PLK5: variants seen among roughly 807,000 people sequenced by gnomAD.
PLK5 encodes the protein polo like kinase 5 (inactive).
In PLK5, 28 loss-of-function variants were observed where a neutral mutation model predicts 33.7. That is an observed-to-expected ratio of 0.83 (90% CI 0.62 to 1.14). PLK5 has a LOEUF of 1.14. Ranked by LOEUF, PLK5 falls within the 50% of genes most tolerant of loss-of-function variation. PLK5 has a pLI of 0.00. For synonymous variants in PLK5, 225 were observed against 202.2 expected (o/e 1.11, Z -0.96); for missense variants, 492 against 461.5 (o/e 1.07, Z -0.61).
At chr19:1,534,155 GAAAAAAAAA>G (rs34242824) in intron 13 of PLK5, 114 bp downstream of exon 13, 1 of 527,448 alleles carries the variant, frequency 1.9e-6, no homozygotes, top group Non-Finnish European at 3.3e-6. Flanking sequence ...TGCCTCCCAG[GAAAAAAAAA>G]AAAAAAAAAG....
intron 9 of PLK5, 67 bp downstream of exon 9, chr19:1,529,041 C>T: frequency 7.4e-7 from 1 of 1,359,284 alleles, no homozygotes; most frequent in East Asian, 2.6e-5. Flanking sequence ...TGCTAAAACC[C>T]CCTCCCCCAT....
At chr19:1,535,038 C>T (rs1256851296) in intron 13 of PLK5, 27 bp from the exon 14 acceptor site, 12 of 1,499,848 alleles carry the variant, frequency 8.0e-6, no homozygotes, top group South Asian at 2.5e-5. Context: ...ACCCGTCTCC[C>T]CTTGACTGGT....
intron 10 of PLK5, 94 bp from the exon 11 acceptor site, chr19:1,529,653 G>A: frequency 2.1e-6 from 3 of 1,430,658 alleles, no homozygotes; most frequent in Middle Eastern, 1.7e-4. Flanking sequence ...AGGATGAGAT[G>A]TTCCTGGATG....
intron 9 of PLK5, among the ~76,000 whole-genome samples, 164 bp from the exon 10 acceptor site, chr19:1,529,242 T>C (rs1035448096): frequency 5.3e-5 from 8 of 152,176 alleles, no homozygotes; most frequent in African/African-American, 1.2e-4. Flanking sequence ...GAGCACCTAC[T>C]GTATGCCTCC....
chr19:1,535,025 G>A (rs1238781404), intron 13 of PLK5, 40 bp from the exon 14 acceptor site: 1 of 1,463,700 alleles, frequency 6.8e-7, no homozygotes, highest in Non-Finnish European at 9.0e-7. Flanking sequence ...CAGGTGCAGG[G>A]GTACCCGTCT....
Position 1,528,324 on chromosome 19 carries a change from C to G in PLK5, c.224C>G (p.Pro75Arg), listed in dbSNP as rs1255988405. Residue 75 changes from proline to arginine, a missense_variant, in exon 8 of 14, where the codon CCG becomes CGG. Transcript: ENST00000454744. ...FTQGFTPDRL[P>R]AHSCHSPPIF... ...AAGGGTTTCACTCCAGACCGGCTGC[C>G]GGCCCACTCCTGCCACAGTCCCCCC... The G allele has an allele frequency of 2.0e-6, 3 of 1,535,682 alleles. No individual in the cohort carries two copies. The highest frequency in any genetic ancestry group is 3.9e-5 in the Admixed American group (2 of 50,964).
At chr19:1,525,554 G>C (rs1373279917) in intron 2 of PLK5, 41 bp from the exon 3 acceptor site, 1 of 152,670 alleles carries the variant, frequency 6.6e-6, no homozygotes, top group Non-Finnish European at 1.5e-5. Context: ...TGCAGCCTGT[G>C]CCCCGCTGCA....
At position 1,528,994 on chromosome 19, in the gene PLK5, G is replaced by A; in HGVS notation, c.405+20G>A. On this transcript the variant is annotated intron_variant, in intron 9 of 13. Transcript: ENST00000454744. ...GGCGAGGTGAGACATCGGGGTGGGG[G>A]ACACGGGGAGACACAGGTGGAGGGC... The A allele has an allele frequency of 1.4e-6, 2 of 1,476,746 alleles. No homozygotes were observed. Among genetic ancestry groups the A allele is most frequent in the Non-Finnish European group, 1.8e-6 (2 of 1,117,692 alleles). The allele number at this position is 1,476,746 out of a possible 1,614,324, so 91.5% of individuals were successfully genotyped here. A position where few individuals can be genotyped will look rare whatever the true frequency, so the allele number is the denominator to read the frequency against.
In PLK5 at chr19:1,534,153, A is replaced by AG. The variant is rs146871495; in HGVS notation, c.825+114dup. ...GAGCCTTAGGAAGCATTTGCCTCCC[A>AG]GGAAAAAAAAAAAAAAAAAAGGTAT... On this transcript the variant is annotated intron_variant, in intron 13 of 13. Coordinates refer to ENST00000454744, the MANE Select transcript of PLK5 (RefSeq NM_001243079.2). 3,370 of 547,586 alleles carry AG rather than the reference A, an allele frequency of 6.2e-3. 91 individuals carry two copies. The African/African-American group carries it at 0.1, about 17-fold the overall frequency. 33.9% of individuals were successfully genotyped at this position (547,586 alleles called of 1,614,324 possible). A position where few individuals can be genotyped will look rare whatever the true frequency, so the allele number is the denominator to read the frequency against.
At chr19:1,528,628 CCCACCTGCCCACACCT>C in intron 8 of PLK5, among the ~76,000 whole-genome samples, 200 bp downstream of exon 8, 1 of 53,282 alleles carries the variant, frequency 1.9e-5, no homozygotes, top group Non-Finnish European at 4.0e-5. Flanking sequence ...GCCCACGCCC[CCCACCTGCCCACACCT>C]CCCACCTGCC....
Position 1,528,310 on chromosome 19 carries a change from T to A in PLK5, c.210T>A (p.Thr70=), listed in dbSNP as rs1465033344. 6.5e-7 allele frequency: 1 copy of A among 1,535,704 alleles called. No individual in the cohort carries two copies. Among genetic ancestry groups the A allele is most frequent in the Non-Finnish European group, 8.7e-7 (1 of 1,146,752 alleles). The change falls in exon 8 of 14, where the codon ACT becomes ACA. Residue 70 remains threonine, a synonymous_variant. Coordinates refer to ENST00000454744, the MANE Select transcript of PLK5 (RefSeq NM_001243079.2). ...CAAATCCCCATCCAAAGGGTTTCAC[T>A]CCAGACCGGCTGCCGGCCCACTCCT... is the stretch of plus-strand genomic sequence containing the variant. The part of the protein sequence containing the change: ...LQDDFFTQGF[T]PDRLPAHSCH...
At position 1,535,064 on chromosome 19, in the gene PLK5, G is replaced by C. The variant is rs1394658991; in HGVS notation, c.826-1G>C. 6.6e-7 allele frequency: 1 copy of C among 1,524,474 alleles called. No individual in the cohort carries two copies. The highest frequency in any genetic ancestry group is 2.1e-5 in the Admixed American group (1 of 48,228). The allele number at this position is 1,524,474 out of a possible 1,614,324, so 94.4% of individuals were successfully genotyped here. ...CTTGACTGGTATCTTACCCTTTGCA[G>C]GTGAGCTTCAGTGGAGTCCCGGCCC... On this transcript the variant is annotated splice_acceptor_variant, in intron 13 of 13. Transcript: ENST00000454744. LOFTEE classifies it high-confidence loss of function.
intron 12 of PLK5, among the ~76,000 whole-genome samples, chr19:1,533,011 G>GC (rs1455000402): frequency 1.3e-5 from 2 of 151,316 alleles, no homozygotes; most frequent in Non-Finnish European, 2.9e-5. Context: ...GTATGCATCA[G>GC]TAGGTCCCAG....
intron 9 of PLK5, 21 bp downstream of exon 9, chr19:1,528,995 A>T (rs752336154): frequency 6.8e-7 from 1 of 1,474,904 alleles, no homozygotes; most frequent in South Asian, 1.3e-5. Context: ...GGGGTGGGGG[A>T]CACGGGGAGA....
chr19:1,535,066 T>A lies in PLK5; in HGVS notation c.827T>A (p.Val276Glu). The part of the protein sequence containing the change: ...LLLFSNGMVQ[V>E]SFSGVPAQLV... ...TGACTGGTATCTTACCCTTTGCAGG[T>A]GAGCTTCAGTGGAGTCCCGGCCCAA... Residue 276 changes from valine (V) to glutamate (E), a missense_variant and splice_region_variant, in exon 14 of 14, where the codon GTG becomes GAG. Val to Glu is a moderately radical substitution (Grantham distance 121). Transcript: ENST00000454744. 1 of 1,524,322 alleles carries A rather than the reference T, an allele frequency of 6.6e-7. No individual in the cohort carries two copies. The highest frequency in any genetic ancestry group is 8.8e-7 in the Non-Finnish European group (1 of 1,141,514). 94.4% of individuals were successfully genotyped at this position (1,524,322 alleles called of 1,614,324 possible). A position where few individuals can be genotyped will look rare whatever the true frequency, so the allele number is the denominator to read the frequency against.
Position 1,533,892 on chromosome 19 carries a change from C to T in PLK5, c.715-39C>T, listed in dbSNP as rs1328359024. ...GGTGTGGGGGCGAGGGGTGGGGACG[C>T]CCCCTGCGTCACGTGACCTCAGCCG... On this transcript the variant is annotated intron_variant, in intron 12 of 13. Coordinates refer to ENST00000454744, the MANE Select transcript of PLK5 (RefSeq NM_001243079.2). 3.4e-6 allele frequency: 5 copies of T among 1,462,278 alleles called. No individual in the cohort carries two copies. The Admixed American group carries it at 7.9e-5, about 23-fold the overall frequency. The allele number at this position is 1,462,278 out of a possible 1,614,324, so 90.6% of individuals were successfully genotyped here.
Position 1,524,486 on chromosome 19 carries a change from G to C in PLK5, c.-544+240G>C, listed in dbSNP as rs1211840637. 8.5e-5 allele frequency among the ~76,000 whole-genome samples: 13 copies of C among 152,066 alleles called. No individual in the cohort carries two copies. The highest frequency in any genetic ancestry group is 3.3e-4 in the Admixed American group (5 of 15,264). On this transcript the variant is annotated intron_variant, in intron 1 of 13. Transcript: ENST00000454744. The surrounding 1 kb of genome is among the most constrained non-coding windows in gnomAD (Gnocchi z 4.5). ...TGTCCGGGGTGTGGGCGTGCGGCTC[G>C]GCCTCGGGATGCGACGCTGTGTTGC...
rs1439412634 is a variant in PLK5, at chr19:1,524,307, G to A, written c.-544+61G>A. ...GGACCGGGCTGGGCTGGGGTCCCGGGGCGCGCGGGCGATCCTGCGCGGTCT... is the reference window on the plus strand; with the variant it reads ...GGACCGGGCTGGGCTGGGGTCCCGGAGCGCGCGGGCGATCCTGCGCGGTCT... On this transcript the variant is annotated intron_variant, in intron 1 of 13. Transcript: ENST00000454744. This position sits in a 1 kb window ranked among gnomAD's most constrained non-coding sequence, Gnocchi z 4.5. 3 of 151,470 alleles carry A rather than the reference G, an allele frequency of 2.0e-5. No homozygotes were observed. The East Asian group carries it at 5.8e-4, about 29-fold the overall frequency. 9.4% of individuals were successfully genotyped at this position (151,470 alleles called of 1,614,324 possible).
chr19:1,528,044 T>C lies in PLK5; in HGVS notation c.111T>C (p.Asn37=), dbSNP rs1437315957. 3 of 1,536,080 alleles carry C rather than the reference T, an allele frequency of 2.0e-6. No individual in the cohort carries two copies. Among genetic ancestry groups the C allele is most frequent in the African/African-American group, 2.7e-5 (2 of 73,144 alleles). Residue 37 remains asparagine, a synonymous_variant, in exon 7 of 14, where the codon AAT becomes AAC. Coordinates refer to ENST00000454744, the MANE Select transcript of PLK5 (RefSeq NM_001243079.2). ...HYPEPAHLSA[N]ARRLIVHLLA... The stretch of plus-strand genomic sequence containing the variant: ...CCGAACCCGCTCACCTGTCTGCCAA[T>C]GCGCGCCGCCTCATCGTGCACCTCC...
Sources: gnomAD v4.1 joint callset for allele counts (sites outside exome capture counted in the v4.1 genomes callset) on GRCh38, gnomAD v4.1.1 for gene constraint, Gnocchi (gnomAD v3.1) non-coding constraint, MANE v1.5 for transcripts, NCBI Gene and HGNC (gene_info 2026-07-23, HGNC 2026-07-21) for gene names.